PIP5K1C: variants seen among roughly 807,000 people sequenced by gnomAD.
The protein encoded by PIP5K1C is phosphatidylinositol-4-phosphate 5-kinase type 1 gamma.
In PIP5K1C, 45 loss-of-function variants were observed where a neutral mutation model predicts 80.1. The ratio of observed to expected loss-of-function variants is 0.56; its 90% CI spans 0.44 to 0.72. The LOEUF (loss-of-function observed/expected upper bound fraction) is 0.72, where lower values mean the gene tolerates loss of function less well. PIP5K1C is among the 30% of genes least tolerant of loss of function. The pLI, the probability that PIP5K1C is intolerant of heterozygous loss-of-function variation, is 0.00. For missense variants in PIP5K1C, 753 were observed against 954.6 expected, an observed-to-expected ratio of 0.79 and a Z score of 2.78; for synonymous variants, 498 against 420.1, an observed-to-expected ratio of 1.19 and a Z score of -2.27.
At position 3,648,489 on chromosome 19, in the gene PIP5K1C, G is replaced by T; in HGVS notation, c.1211+136C>A. On this transcript the variant is annotated intron_variant, in intron 9 of 17. Transcript: ENST00000335312. This position sits in a 1 kb window ranked among gnomAD's most constrained non-coding sequence, Gnocchi z 4.3. ...TCCTGGGGGCGCCCATCCACCTGTG[G>T]GACTGCAGACCCAGGCGCCCACCTG... The T allele has an allele frequency of 1.2e-6, 1 of 836,964 alleles. No individual in the cohort carries two copies. The highest frequency in any genetic ancestry group is 2.0e-6 in the Non-Finnish European group (1 of 492,716). The allele number at this position is 836,964 out of a possible 1,614,324, so 51.8% of individuals were successfully genotyped here. A position where few individuals can be genotyped will look rare whatever the true frequency, so the allele number is the denominator to read the frequency against.
intron 5 of PIP5K1C, among the ~76,000 whole-genome samples, chr19:3,657,763 T>TG (rs1555722137): frequency 6.9e-6 from 1 of 144,212 alleles, no homozygotes; most frequent in East Asian, 2.0e-4. Context: ...TCATCTGTAC[T>TG]AAAAAAAAAA....
intron 1 of PIP5K1C, chr19:3,670,016 C>T: frequency 7.0e-6 from 1 of 142,802 alleles, no homozygotes; most frequent in Non-Finnish European, 1.5e-5. Flanking sequence ...GGGCAGGCAG[C>T]AGGTATGGAG....
intron 1 of PIP5K1C, among the ~76,000 whole-genome samples, chr19:3,685,949 A>C (rs2035747099): frequency 6.6e-6 from 1 of 151,170 alleles, no homozygotes; most frequent in African/African-American, 2.4e-5. Context: ...GCAGCCTCCA[A>C]CTCCTGGGCT....
intron 16 of PIP5K1C, chr19:3,636,452 G>C: frequency 1.0e-6 from 1 of 985,566 alleles, no homozygotes; most frequent in Non-Finnish European, 1.2e-6. Flanking sequence ...GCCCCTTCAA[G>C]TCAGGTGTTT....
intron 1 of PIP5K1C, among the ~76,000 whole-genome samples, chr19:3,672,245 G>A (rs913717112): frequency 9.8e-5 from 15 of 152,368 alleles, no homozygotes; most frequent in East Asian, 1.9e-4. Flanking sequence ...CCACATGGCC[G>A]CCTCTGCACC....
intron 1 of PIP5K1C, among the ~76,000 whole-genome samples, chr19:3,682,840 C>T (rs373116026): frequency 6.6e-5 from 10 of 152,318 alleles, no homozygotes; most frequent in South Asian, 4.1e-4. Context: ...CCAGCTACGC[C>T]GCTCCCAGAC....
In PIP5K1C at chr19:3,633,047, T is replaced by G. The variant is rs1462656535; in HGVS notation, c.*120A>C. On this transcript the variant is annotated 3_prime_UTR_variant, in exon 18 of 18. Transcript: ENST00000335312. The stretch of plus-strand genomic sequence containing the variant: ...GCATCCGTGCAGGGGGAGGACGAGG[T>G]CCGGTGGGGCGGCGAGGCGGGCATC... The G allele has an allele frequency of 1.5e-6, 1 of 664,908 alleles. No individual in the cohort carries two copies. The highest frequency in any genetic ancestry group is 2.8e-6 in the Non-Finnish European group (1 of 358,254). 41.2% of individuals were successfully genotyped at this position (664,908 alleles called of 1,614,324 possible).
intron 2 of PIP5K1C, 80 bp from the exon 3 acceptor site, chr19:3,664,994 G>A (rs561291732): frequency 1.7e-5 from 20 of 1,197,476 alleles, no homozygotes; most frequent in East Asian, 1.4e-4. Context: ...ACCCTGGGAA[G>A]AAAGGTTTAG....
chr19:3,694,593 G>A lies in PIP5K1C; in HGVS notation c.94+5704C>T, dbSNP rs144896329. ...CCACCAGGCGCTGTGAATCGGGCTC[G>A]CCGCCCCACTCAGATGCCCGTGCCA... is the stretch of plus-strand genomic sequence containing the variant. On this transcript the variant is annotated intron_variant, in intron 1 of 17. Transcript: ENST00000335312. 6.1e-3 allele frequency among the ~76,000 whole-genome samples: 926 copies of A among 152,288 alleles called. 3 individuals are homozygous for A. The highest frequency in any genetic ancestry group is 8.6e-3 in the Non-Finnish European group (586 of 68,016).
intron 12 of PIP5K1C, among the ~76,000 whole-genome samples, chr19:3,643,665 C>T (rs1232679457): frequency 6.6e-6 from 1 of 151,366 alleles, no homozygotes; most frequent in East Asian, 1.9e-4. Flanking sequence ...CCACTGCTCT[C>T]TTCCCCTCCC....
At chr19:3,699,781 G>A (rs1427695056) in intron 1 of PIP5K1C, among the ~76,000 whole-genome samples, 2 of 152,210 alleles carry the variant, frequency 1.3e-5, no homozygotes, top group South Asian at 2.1e-4. Flanking sequence ...GGGGGCGACA[G>A]GGCACCCTGT....
intron 8 of PIP5K1C, among the ~76,000 whole-genome samples, chr19:3,650,999 A>G (rs951669790): frequency 1.4e-5 from 2 of 142,266 alleles, no homozygotes; most frequent in Non-Finnish European, 3.0e-5. Context: ...CAGATGATCC[A>G]CCTGCCTCAG....
At chr19:3,640,465 G>A (rs1195426426) in intron 15 of PIP5K1C, among the ~76,000 whole-genome samples, 1 of 151,996 alleles carries the variant, frequency 6.6e-6, no homozygotes, top group Non-Finnish European at 1.5e-5. Context: ...GCAGTGAGCC[G>A]AAATCGTGCC....
chr19:3,640,462 G>A (rs887122590), intron 15 of PIP5K1C, among the ~76,000 whole-genome samples: 2 of 152,120 alleles, frequency 1.3e-5, no homozygotes, highest in Non-Finnish European at 2.9e-5. Flanking sequence ...GTTGCAGTGA[G>A]CCGAAATCGT....
chr19:3,659,478 CG>C (rs370362369), intron 5 of PIP5K1C, among the ~76,000 whole-genome samples: 75 of 152,348 alleles, frequency 4.9e-4, no homozygotes, highest in African/African-American at 1.8e-3. Context: ...CTAATGGACA[CG>C]GGTGCTGTCT....
At position 3,700,431 on chromosome 19, in the gene PIP5K1C, C is replaced by G. The variant is rs1416945850; in HGVS notation, c.-41G>C. 5.9e-6 allele frequency: 6 copies of G among 1,018,698 alleles called. No individual in the cohort carries two copies. The highest frequency in any genetic ancestry group is 4.3e-5 in the South Asian group (1 of 23,402). The allele number at this position is 1,018,698 out of a possible 1,614,324, so 63.1% of individuals were successfully genotyped here. The stretch of plus-strand genomic sequence containing the variant: ...GCGGCGGGGGCGCCCGAGGGGGACC[C>G]GAGCTGCGACCGCCGCCGCCGAACA... On this transcript the variant is annotated 5_prime_UTR_variant, in exon 1 of 18. Transcript: ENST00000335312.
intron 1 of PIP5K1C, among the ~76,000 whole-genome samples, chr19:3,683,612 T>C (rs1458343044): frequency 2.0e-5 from 3 of 152,214 alleles, no homozygotes; most frequent in Non-Finnish European, 4.4e-5. Context: ...GTCAGATCGC[T>C]TGCCTGATCA....
chr19:3,677,701 C>T (rs372342343), intron 1 of PIP5K1C, among the ~76,000 whole-genome samples: 2 of 107,452 alleles, frequency 1.9e-5, no homozygotes, highest in Non-Finnish European at 3.8e-5. Context: ...AGAGGGATGG[C>T]GGAATGGAGG....
chr19:3,663,781 T>C (rs2034915933), intron 3 of PIP5K1C, among the ~76,000 whole-genome samples: 2 of 152,190 alleles, frequency 1.3e-5, no homozygotes, highest in African/African-American at 4.8e-5. Context: ...TTGCTGGGTG[T>C]GAAAACGGTA....
Sources: allele counts gnomAD v4.1 joint callset (sites outside exome capture counted in the v4.1 genomes callset), GRCh38; gene constraint gnomAD v4.1.1; non-coding constraint Gnocchi (gnomAD v3.1); transcripts MANE v1.5; gene names NCBI Gene and HGNC (gene_info 2026-07-23, HGNC 2026-07-21).